MUC4: variants seen among roughly 807,000 people sequenced by gnomAD.
The protein encoded by MUC4 is mucin 4, cell surface associated, also known as mucin-4.
In MUC4, 202 loss-of-function variants were observed where a neutral mutation model predicts 257.9. That is an observed-to-expected ratio of 0.78 (90% CI 0.70 to 0.88). The LOEUF (loss-of-function observed/expected upper bound fraction) is 0.88. Among genes scored for constraint, MUC4 ranks in the 40% least tolerant of loss-of-function variants. The pLI is 0.00. For synonymous variants in MUC4, 2,351 were observed against 2,757.1 expected, an observed-to-expected ratio of 0.85 and a Z score of 4.62; for missense variants, 5,976 against 6,513.7, an observed-to-expected ratio of 0.92 and a Z score of 2.84.
chr3:195,770,294 G>A lies in MUC4; in HGVS notation c.13320C>T (p.Asn4440=), dbSNP rs368770871. The A allele has an allele frequency of 4.3e-5, 70 of 1,614,030 alleles. 1 individual carries two copies. Among genetic ancestry groups the A allele is most frequent in the Non-Finnish European group, 5.3e-5 (63 of 1,179,978 alleles). ...AESWIRKMTN[N]GGYKARWALK... is the part of the protein sequence containing the mutation. ...GGGCCCACCTGGCCTTGTAGCCCCCGTTGTTTGTCATCTTTCTAATCCAAG... is the reference window on the plus strand; with the variant it reads ...GGGCCCACCTGGCCTTGTAGCCCCCATTGTTTGTCATCTTTCTAATCCAAG... The change falls in exon 6 of 25, where the codon AAC becomes AAT. Residue 4440 remains asparagine (N), a synonymous_variant. Transcript: ENST00000463781.
chr3:195,790,031 C>G lies in MUC4; in HGVS notation c.1549G>C (p.Val517Leu), dbSNP rs1046436025. 1 of 1,614,010 alleles carries G rather than the reference C, an allele frequency of 6.2e-7. No individual in the cohort carries two copies. The change falls in exon 2 of 25, where the codon GTC (valine) becomes CTC (leucine). Residue 517 changes from valine to leucine, a missense_variant. Physicochemically the swap from Val to Leu is conservative, Grantham distance 32. Transcript: ENST00000463781. ...STSTGAATRL[V>L]TGNPSTGTAG... ...GTCCCTGTAGATGGATTTCCTGTGACAAGCCTAGTGGCAGCACCTGTTGAT... is the reference window on the plus strand; with the variant it reads ...GTCCCTGTAGATGGATTTCCTGTGAGAAGCCTAGTGGCAGCACCTGTTGAT...
intron 11 of MUC4, 63 bp from the exon 12 acceptor site, chr3:195,763,704 A>G (rs1476906883): frequency 7.2e-7 from 1 of 1,398,434 alleles, no homozygotes; most frequent in African/African-American, 1.5e-5. Flanking sequence ...GAGGTTCCTC[A>G]CTGCAGTCAG....
intron 14 of MUC4, 65 bp from the exon 15 acceptor site, chr3:195,761,650 C>G (rs1036218951): frequency 7.7e-7 from 1 of 1,307,094 alleles, no homozygotes; most frequent in Non-Finnish European, 1.1e-6. Flanking sequence ...GGGGAGCATC[C>G]GGCGGACGCA....
chr3:195,789,347 C>T lies in MUC4; in HGVS notation c.2233G>A (p.Val745Met). The T allele has an allele frequency of 6.2e-7, 1 of 1,613,932 alleles. No individual in the cohort carries two copies. The highest frequency in any genetic ancestry group is 8.5e-7 in the Non-Finnish European group (1 of 1,179,884). Residue 745 changes from valine to methionine, a missense_variant, in exon 2 of 25, where the codon GTG becomes ATG. Val to Met is a conservative substitution (Grantham distance 21). Coordinates refer to ENST00000463781, the MANE Select transcript of MUC4 (RefSeq NM_018406.7). ...CCTTCTGGGCCCCCTGGTGTTGACA[C>T]TACAGAGTTGGCCAGAGTAAGGGCA... ...TGALTLANSV[V>M]STPGGPEGQW... is the part of the protein sequence containing the mutation.
rs1187854364 is a variant in MUC4 at position 195,760,552 on chromosome 3, C to T, written c.14848+332G>A. ...TGGAGGGGGCTGGGAAGGGGTCCAG[C>T]GCTAGGATGGAGTGGAGGGGGCTGG... On this transcript the variant is annotated intron_variant, in intron 16 of 24. Transcript: ENST00000463781. Among the ~76,000 whole-genome samples, 38 of 101,018 alleles carry T rather than the reference C, an allele frequency of 3.8e-4. 6 individuals are homozygous for T. The highest frequency in any genetic ancestry group is 1.5e-3 in the African/African-American group (33 of 22,562). The allele number at this position is 101,018 out of a possible 152,430, so 66.3% of individuals were successfully genotyped here. A position where few individuals can be genotyped will look rare whatever the true frequency, so the allele number is the denominator to read the frequency against.
chr3:195,763,334 C>T (rs772683873), intron 12 of MUC4, 99 bp downstream of exon 12: 1 of 1,231,882 alleles, frequency 8.1e-7, no homozygotes, highest in Non-Finnish European at 1.1e-6. Flanking sequence ...TCCTGCCCGG[C>T]TTCCCCTCCT....
chr3:195,778,272 A>G (rs764544148), intron 3 of MUC4, 31 bp downstream of exon 3: 2 of 1,556,434 alleles, frequency 1.3e-6, no homozygotes, highest in Admixed American at 2.0e-5. Flanking sequence ...TCACCCCTCA[A>G]AAGGCACAGG....
At chr3:195,802,476 C>T (rs1181264817) in intron 1 of MUC4, among the ~76,000 whole-genome samples, 2 of 149,498 alleles carry the variant, frequency 1.3e-5, no homozygotes, top group African/African-American at 4.9e-5. Flanking sequence ...CTCCTTAGCT[C>T]GAATTGCTTT....
chr3:195,788,123 G>T lies in MUC4; in HGVS notation c.3457C>A (p.Leu1153Ile). 6.7e-7 allele frequency: 1 copy of T among 1,494,292 alleles called. No individual in the cohort carries two copies. The highest frequency in any genetic ancestry group is 9.0e-7 in the Non-Finnish European group (1 of 1,115,594). The allele number at this position is 1,494,292 out of a possible 1,614,324, so 92.6% of individuals were successfully genotyped here. A position where few individuals can be genotyped will look rare whatever the true frequency, so the allele number is the denominator to read the frequency against. ...SSVSTGHTTP[L>I]HVTDASSAST... ...GCTGAGGAAGCATCAGTGACATGAA[G>T]AGGGGTGGTGTGACCTGTGGATACT... The change falls in exon 2 of 25, where the codon CTT becomes ATT. Residue 1153 changes from leucine to isoleucine, a missense_variant. Coordinates refer to ENST00000463781, the MANE Select transcript of MUC4 (RefSeq NM_018406.7).
rs1732354774 is a variant in MUC4, at chr3:195,786,906, A to AGG, written c.4673_4674insCC (p.Ser1559LeufsTer1446). On this transcript the variant is annotated frameshift_variant, in exon 2 of 25. Transcript: ENST00000463781. LOFTEE classifies it high-confidence loss of function. ...TGGTGTGACCTGTGGATACTGAGGA[A>AGG]GCGTCGGTGACAGGAAGAGGGGTGG... 1.3e-6 allele frequency: 2 copies of AGG among 1,507,176 alleles called. No individual in the cohort carries two copies. Among genetic ancestry groups the AGG allele is most frequent in the African/African-American group, 2.8e-5 (2 of 70,942 alleles). 93.4% of individuals were successfully genotyped at this position (1,507,176 alleles called of 1,614,324 possible).
intron 23 of MUC4, 32 bp downstream of exon 23, chr3:195,750,857 C>T: frequency 5.0e-6 from 8 of 1,601,204 alleles, no homozygotes; most frequent in Non-Finnish European, 6.0e-6. Context: ...CCGCAGTGAC[C>T]CCCATAGTGT....
In MUC4 at chr3:195,774,186, G is replaced by A. The variant is rs770422854; in HGVS notation, c.13063C>T (p.Arg4355Cys). 18 of 1,608,122 alleles carry A rather than the reference G, an allele frequency of 1.1e-5. No individual in the cohort carries two copies. The highest frequency in any genetic ancestry group is 5.4e-5 in the African/African-American group (4 of 74,424). ...CCCGGACTCACGTAGAGGGAATCAC[G>A]GAGAGAGGAGCCAAGGGGGAAGCCA... ...ATGFPLGSSL[R>C]DSLYFTDNGQ... The change falls in exon 4 of 25, where the codon CGT becomes TGT. Residue 4355 changes from arginine (R) to cysteine (C), a missense_variant. Physicochemically the swap from Arg to Cys is radical, Grantham distance 180. Coordinates refer to ENST00000463781, the MANE Select transcript of MUC4 (RefSeq NM_018406.7).
At chr3:195,807,483 A>C (rs1292091032) in intron 1 of MUC4, among the ~76,000 whole-genome samples, 3 of 152,010 alleles carry the variant, frequency 2.0e-5, no homozygotes, top group Non-Finnish European at 4.4e-5. Flanking sequence ...ACAAACAAAC[A>C]AACCCAAAAA....
rs1731887079 is a variant in MUC4, at chr3:195,786,368, A to G, written c.5212T>C (p.Ser1738Pro). 1 of 1,525,632 alleles carries G rather than the reference A, an allele frequency of 6.6e-7. No homozygotes were observed. Among genetic ancestry groups the G allele is most frequent in the African/African-American group, 1.4e-5 (1 of 70,686 alleles). 94.5% of individuals were successfully genotyped at this position (1,525,632 alleles called of 1,614,324 possible). A position where few individuals can be genotyped will look rare whatever the true frequency, so the allele number is the denominator to read the frequency against. ...AGAAGAGGGCTGGCGTGACCTGTGG[A>G]TGCTGAGGAAGGGCTAGTGACAGGA... ...PLPVTSPSSASTGHASPLLVT... is the reference protein window; with the variant it reads ...PLPVTSPSSAPTGHASPLLVT... The change falls in exon 2 of 25, where the codon TCC becomes CCC. Residue 1738 changes from serine (S) to proline (P), a missense_variant. Around this residue, in one of 44 missense-constraint regions of MUC4, gnomAD observed 138 missense variants for 107.8 expected, o/e 1.28. Transcript: ENST00000463781.
In MUC4 at chr3:195,764,094, C is replaced by A; in HGVS notation, c.13995G>T (p.Gln4665His). The A allele has an allele frequency of 2.5e-6, 4 of 1,608,414 alleles. No individual in the cohort carries two copies. Among genetic ancestry groups the A allele is most frequent in the Non-Finnish European group, 3.4e-6 (4 of 1,178,026 alleles). ...NDKPYLCALY[Q>H]QRRPHVGCAT... ...CACAGCCCACGTGGGGCCGCCTCTG[C>A]TGGTACAGGGCACAGAGGTAGGGCT... Residue 4665 changes from glutamine to histidine, a missense_variant, in exon 11 of 25, where the codon CAG becomes CAT. Coordinates refer to ENST00000463781, the MANE Select transcript of MUC4 (RefSeq NM_018406.7).
At chr3:195,796,985 G>A (rs1290400544) in intron 1 of MUC4, among the ~76,000 whole-genome samples, 1 of 152,248 alleles carries the variant, frequency 6.6e-6, no homozygotes, top group Non-Finnish European at 1.5e-5. Context: ...GCTCACGCCT[G>A]TAACCCCAAC....
Position 195,789,997 on chromosome 3 carries a change from G to A in MUC4, c.1583C>T (p.Thr528Ile), listed in dbSNP as rs936543448. 1 of 1,613,986 alleles carries A rather than the reference G, an allele frequency of 6.2e-7. No individual in the cohort carries two copies. ...GACCTTAGAGGGGACCCTTGGAATA[G>A]TGCCAGCTGTCCCTGTAGATGGATT... ...TGNPSTGTAG[T>I]IPRVPSKVSA... Residue 528 changes from threonine to isoleucine, a missense_variant, in exon 2 of 25, where the codon ACT (threonine) becomes ATT (isoleucine). Physicochemically the swap from Thr to Ile is moderately conservative, Grantham distance 89 (BLOSUM62 -1). This residue lies in a region of MUC4 where 1,583 missense variants were observed against 1,257.4 expected (regional missense o/e 1.26). Coordinates refer to ENST00000463781, the MANE Select transcript of MUC4 (RefSeq NM_018406.7).
chr3:195,791,165 T>C lies in MUC4; in HGVS notation c.415A>G (p.Thr139Ala), dbSNP rs143956695. 11 of 1,613,988 alleles carry C rather than the reference T, an allele frequency of 6.8e-6. No individual in the cohort carries two copies. Among genetic ancestry groups the C allele is most frequent in the Middle Eastern group, 1.6e-4 (1 of 6,062 alleles). ...GTGGAGTCTGTGGAGGTTGTCATTG[T>C]TATAGTCTTTGATGTCATCATGAGT... ...NTLMMTSKTI[T>A]MTTSTDSTLG... The change falls in exon 2 of 25, where the codon ACA becomes GCA. Residue 139 changes from threonine to alanine, a missense_variant. Around this residue, in one of 44 missense-constraint regions of MUC4, gnomAD observed 1,583 missense variants for 1,257.4 expected, o/e 1.26. Transcript: ENST00000463781.
rs1186522688 is a variant in MUC4 at position 195,755,777 on chromosome 3, AC to A, written c.15168+1369del. On this transcript the variant is annotated intron_variant, in intron 18 of 24. Transcript: ENST00000463781. This position sits in a 1 kb window ranked among gnomAD's most constrained non-coding sequence, Gnocchi z 5.0. ...CCCATTGTGTATTTTATGCTTTTCT[AC>A]CCCCTACCCCACCAACCGTCCCTAC... Among the ~76,000 whole-genome samples, 1 of 151,550 alleles carries A rather than the reference AC, an allele frequency of 6.6e-6. No homozygotes were observed. Among genetic ancestry groups the A allele is most frequent in the Non-Finnish European group, 1.5e-5 (1 of 67,896 alleles).
Sources: gnomAD v4.1 joint callset for allele counts (sites outside exome capture counted in the v4.1 genomes callset) on GRCh38, gnomAD v4.1.1 for gene constraint, gnomAD v4.1.1 regional missense constraint, Gnocchi (gnomAD v3.1) non-coding constraint, MANE v1.5 for transcripts, NCBI Gene and HGNC (gene_info 2026-07-23, HGNC 2026-07-21) for gene names.